The following KANK1 variants were observed in gnomAD, a reference collection of about 807,000 sequenced individuals.
KANK1 encodes KN motif and ankyrin repeat domains 1.
Under a neutral mutation model 106.2 loss-of-function variants are expected in KANK1, and 109 were observed. That is an observed-to-expected ratio of 1.03 (90% CI 0.88 to 1.20). KANK1 has a LOEUF of 1.20. Ranked by LOEUF, KANK1 falls within the 50% of genes most tolerant of loss-of-function variation. The probability of loss-of-function intolerance (pLI) is 0.00; values close to 1 mark genes in which losing one functional copy is unlikely to be tolerated. For missense variants in KANK1, 2,399 were observed against 1,710.7 expected, an observed-to-expected ratio of 1.40 and a Z score of -7.10; for synonymous variants, 873 against 652.2, an observed-to-expected ratio of 1.34 and a Z score of -5.16.
At chr9:508,857 TCTAGTACAC>T (rs2058898078) in intron 1 of KANK1, among the ~76,000 whole-genome samples, 1 of 152,172 alleles carries the variant, frequency 6.6e-6, no homozygotes, top group Non-Finnish European at 1.5e-5. Context: ...ACATTCTAAT[TCTAGTACAC>T]GTCTTGATAC....
chr9:593,581 G>T (rs1825523787), intron 1 of KANK1, among the ~76,000 whole-genome samples: 1 of 151,124 alleles, frequency 6.6e-6, no homozygotes, highest in South Asian at 2.1e-4. Context: ...GAGTAACTTA[G>T]AGAAGTTACC....
Position 711,388 on chromosome 9 carries a change from G to A in KANK1, c.622G>A (p.Ala208Thr), listed in dbSNP as rs1564036738. ...SFVGSGNHNP[A>T]KHQLQNGYQG... Reference sequence around the variant, plus strand: ...TGTGGGTTCTGGAAACCACAATCCTGCCAAGCACCAGCTTCAGAATGGATA... The same window carrying A: ...TGTGGGTTCTGGAAACCACAATCCTACCAAGCACCAGCTTCAGAATGGATA... The change falls in exon 3 of 12, where the codon GCC (alanine) becomes ACC (threonine). Residue 208 changes from alanine (A) to threonine (T), a missense_variant. Transcript: ENST00000382297. 6.2e-7 allele frequency: 1 copy of A among 1,614,114 alleles called. No homozygotes were observed. Among genetic ancestry groups the A allele is most frequent in the Non-Finnish European group, 8.5e-7 (1 of 1,180,022 alleles).
upstream of KANK1, among the ~76,000 whole-genome samples, chr9:501,090 C>A (rs1230663631): frequency 6.6e-5 from 10 of 151,590 alleles, no homozygotes; most frequent in South Asian, 8.4e-4. Context: ...AAAAAAAAAA[C>A]CAATCGGGTT....
intron 1 of KANK1, among the ~76,000 whole-genome samples, chr9:600,267 C>G (rs1324780549): frequency 6.6e-6 from 1 of 151,706 alleles, no homozygotes; most frequent in Non-Finnish European, 1.5e-5. Context: ...CTAGGTACCT[C>G]ATAAGTGGAA....
intron 3 of KANK1, among the ~76,000 whole-genome samples, chr9:714,393 T>C (rs1203018163): frequency 7.0e-6 from 1 of 142,104 alleles, no homozygotes; most frequent in African/African-American, 2.7e-5. Context: ...ACAGAGTCGC[T>C]CTGTCACCCA....
intron 1 of KANK1, among the ~76,000 whole-genome samples, chr9:542,336 T>TA (rs1225959710): frequency 6.6e-6 from 1 of 152,136 alleles, no homozygotes. Context: ...TCGTCTCTAC[T>TA]AAAAAATACA....
intron 1 of KANK1, among the ~76,000 whole-genome samples, chr9:634,585 T>C (rs193199800): frequency 2.0e-5 from 3 of 152,298 alleles, no homozygotes; most frequent in African/African-American, 4.8e-5. Flanking sequence ...ATTCTAGTCT[T>C]GTGGCCTTTA....
intron 3 of KANK1, among the ~76,000 whole-genome samples, chr9:495,825 C>T (rs2058451659): frequency 6.6e-6 from 1 of 152,154 alleles, no homozygotes; most frequent in South Asian, 2.1e-4. Flanking sequence ...CAAATGACAG[C>T]TCAGTTGTTT....
At chr9:638,833 A>C (rs1470487316) in intron 1 of KANK1, among the ~76,000 whole-genome samples, 1 of 152,178 alleles carries the variant, frequency 6.6e-6, no homozygotes, top group African/African-American at 2.4e-5. Context: ...TCTCTCTGCC[A>C]TTCAATTTGA....
chr9:635,039 C>T (rs1836752009), intron 1 of KANK1, among the ~76,000 whole-genome samples: 1 of 152,066 alleles, frequency 6.6e-6, no homozygotes, highest in Non-Finnish European at 1.5e-5. Flanking sequence ...TTTCACTGAC[C>T]AAAAATGAGT....
intron 1 of KANK1, among the ~76,000 whole-genome samples, chr9:658,926 A>C (rs1842721466): frequency 6.6e-6 from 1 of 152,118 alleles, no homozygotes; most frequent in African/African-American, 2.4e-5. Context: ...AAAGACCCTT[A>C]AGGACCACCC....
intron 1 of KANK1, among the ~76,000 whole-genome samples, chr9:554,570 ATAT>A (rs1374094150): frequency 1.3e-5 from 2 of 152,232 alleles, no homozygotes; most frequent in Non-Finnish European, 2.9e-5. Context: ...AAAATAGAAA[ATAT>A]TATTTCTAAA....
At position 510,601 on chromosome 9, in the gene KANK1, A is replaced by G. The variant is rs188026927; in HGVS notation, c.-84+5847A>G. Among the ~76,000 whole-genome samples, 1,024 of 152,318 alleles carry G rather than the reference A, an allele frequency of 6.7e-3. 7 individuals carry two copies. The highest frequency in any genetic ancestry group is 0.023 in the African/African-American group (965 of 41,572). ...ACACTGAGCCTTCTCAAGGAGAGAG[A>G]TCAGCGGTGCATAGGGAGAGCCCCG... On this transcript the variant is annotated intron_variant, in intron 1 of 11. Coordinates refer to ENST00000382297, the MANE Select transcript of KANK1 (RefSeq NM_015158.5).
intron 1 of KANK1, among the ~76,000 whole-genome samples, chr9:516,354 T>A (rs1050464081): frequency 6.6e-6 from 1 of 151,762 alleles, no homozygotes; most frequent in African/African-American, 2.4e-5. Flanking sequence ...GAGACATGAT[T>A]GAAGATTGCT....
At chr9:582,430 A>T (rs962394021) in intron 1 of KANK1, among the ~76,000 whole-genome samples, 1 of 152,098 alleles carries the variant, frequency 6.6e-6, no homozygotes, top group African/African-American at 2.4e-5. Flanking sequence ...CTTTTCTGGC[A>T]ATGGGTAGTC....
intron 1 of KANK1, among the ~76,000 whole-genome samples, chr9:586,886 TA>T (rs775015953): frequency 1.3e-5 from 2 of 152,214 alleles, no homozygotes; most frequent in Non-Finnish European, 2.9e-5. Context: ...GAAAGTGGCT[TA>T]ACTGTACTTT....
At chr9:511,717 CA>C (rs1563692999) in intron 1 of KANK1, among the ~76,000 whole-genome samples, 1 of 152,098 alleles carries the variant, frequency 6.6e-6, no homozygotes, top group African/African-American at 2.4e-5. Context: ...ATATAAACAA[CA>C]AAGGGTTTAA....
chr9:726,643 A>C (rs1445234303), intron 3 of KANK1, among the ~76,000 whole-genome samples: 2 of 151,556 alleles, frequency 1.3e-5, no homozygotes, highest in Non-Finnish European at 1.5e-5. Flanking sequence ...GTCTCGAAAG[A>C]AGAAAACTTG....
intron 1 of KANK1, among the ~76,000 whole-genome samples, chr9:663,489 C>G (rs10217169): frequency 0.52 from 78,792 of 152,042 alleles, 20,953 homozygotes; most frequent in East Asian, 0.66. Context: ...ATTTTCCTCC[C>G]AAGTCAGGAA....
Sources: gnomAD v4.1 joint callset for allele counts (sites outside exome capture counted in the v4.1 genomes callset) on GRCh38, gnomAD v4.1.1 for gene constraint, MANE v1.5 for transcripts, NCBI Gene and HGNC (gene_info 2026-07-23, HGNC 2026-07-21) for gene names.